Variants in NCOA2 observed in about 807,000 individuals in gnomAD.
The protein encoded by NCOA2 is nuclear receptor coactivator 2.
In NCOA2, 21 loss-of-function variants were observed where a neutral mutation model predicts 145.1. That is an observed-to-expected ratio of 0.14 (90% confidence interval 0.10 to 0.21). The LOEUF (loss-of-function observed/expected upper bound fraction) is 0.21. Ranked by LOEUF, NCOA2 falls within the 10% of genes least tolerant of loss-of-function variation. The pLI is 1.00. For synonymous variants in NCOA2, 619 were observed against 637.5 expected (o/e 0.97, Z 0.44); for missense variants, 1,472 against 1,837.6 (o/e 0.80, Z 3.64).
intron 1 of NCOA2, among the ~76,000 whole-genome samples, chr8:70,352,325 T>A (rs1281034135): frequency 6.6e-6 from 1 of 152,176 alleles, no homozygotes; most frequent in Non-Finnish European, 1.5e-5. Flanking sequence ...GAAGTTTATA[T>A]GGGTCAAGAG....
chr8:70,298,414 CA>C (rs1435890898), intron 1 of NCOA2, among the ~76,000 whole-genome samples: 2 of 152,012 alleles, frequency 1.3e-5, no homozygotes, highest in African/African-American at 4.8e-5. Context: ...GAAAAACAAA[CA>C]AAAAGAATCT....
upstream of NCOA2, among the ~76,000 whole-genome samples, chr8:70,405,831 T>A (rs1430885140): frequency 2.0e-5 from 3 of 152,144 alleles, no homozygotes. Flanking sequence ...CTCCCCCCAT[T>A]GCATTCCCGT....
At chr8:70,228,651 TGA>T (rs1820873984) in intron 2 of NCOA2, among the ~76,000 whole-genome samples, 1 of 152,206 alleles carries the variant, frequency 6.6e-6, no homozygotes, top group Non-Finnish European at 1.5e-5. Context: ...GTTTTTCCAC[TGA>T]GAGAATAAAG....
At chr8:70,118,106 C>G (rs1807353512) in intron 22 of NCOA2, among the ~76,000 whole-genome samples, 1 of 152,160 alleles carries the variant, frequency 6.6e-6, no homozygotes, top group Admixed American at 6.5e-5. Context: ...GAGCCCTGGC[C>G]TAGGTGGCTA....
intron 1 of NCOA2, among the ~76,000 whole-genome samples, chr8:70,368,295 A>C (rs1196362468): frequency 6.6e-6 from 1 of 152,250 alleles, no homozygotes; most frequent in Non-Finnish European, 1.5e-5. Context: ...AAGGCCGCAT[A>C]GGGAAATACT....
intron 1 of NCOA2, among the ~76,000 whole-genome samples, chr8:70,311,028 T>C (rs1234853578): frequency 6.6e-6 from 1 of 152,124 alleles, no homozygotes; most frequent in African/African-American, 2.4e-5. Context: ...CAAAAGACCG[T>C]AGTATGTCTT....
intron 2 of NCOA2, among the ~76,000 whole-genome samples, chr8:70,271,413 T>C (rs1825035779): frequency 6.6e-6 from 1 of 152,244 alleles, no homozygotes. Context: ...GACTGTGTAA[T>C]AAGCAGTCAT....
intron 4 of NCOA2, among the ~76,000 whole-genome samples, chr8:70,187,189 C>T (rs549968386): frequency 6.6e-6 from 1 of 152,292 alleles, no homozygotes; most frequent in South Asian, 2.1e-4. Context: ...CAAAGCCCAG[C>T]ACAAGTGTGA....
At chr8:70,367,478 C>T (rs1810819783) in intron 1 of NCOA2, among the ~76,000 whole-genome samples, 1 of 151,970 alleles carries the variant, frequency 6.6e-6, no homozygotes, top group Admixed American at 6.6e-5. Context: ...ATAGTTACAC[C>T]AATAACATAT....
At chr8:70,281,427 G>C (rs920446128) in intron 2 of NCOA2, among the ~76,000 whole-genome samples, 1 of 149,840 alleles carries the variant, frequency 6.7e-6, no homozygotes, top group Non-Finnish European at 1.5e-5. Context: ...CTCTGCAGTT[G>C]CATTAACTTA....
At chr8:70,247,995 G>A (rs1295182573) in intron 2 of NCOA2, among the ~76,000 whole-genome samples, 3 of 152,214 alleles carry the variant, frequency 2.0e-5, no homozygotes, top group African/African-American at 4.8e-5. Context: ...CCTGAGTGCA[G>A]AAGATAGCAA....
intron 4 of NCOA2, among the ~76,000 whole-genome samples, chr8:70,180,280 G>C (rs946718671): frequency 2.0e-5 from 3 of 152,216 alleles, no homozygotes; most frequent in African/African-American, 7.2e-5. Flanking sequence ...CCTGATTGGA[G>C]AGATCATCCA....
At chr8:70,251,298 A>AT (rs1349483615) in intron 2 of NCOA2, among the ~76,000 whole-genome samples, 2 of 152,202 alleles carry the variant, frequency 1.3e-5, no homozygotes, top group African/African-American at 4.8e-5. Flanking sequence ...ACTGCAGTAG[A>AT]TTATACCCAC....
Position 70,248,708 on chromosome 8 carries a change from C to T in NCOA2, c.-19-31944G>A, listed in dbSNP as rs79348932. On this transcript the variant is annotated intron_variant, in intron 2 of 22. Transcript: ENST00000452400. Reference sequence around the variant, plus strand: ...TATGATACCTAATAAAATGTAAGTGCTATGCAAATAGTTGTTATACTGTAT... The same window carrying T: ...TATGATACCTAATAAAATGTAAGTGTTATGCAAATAGTTGTTATACTGTAT... Among the ~76,000 whole-genome samples the T allele has an allele frequency of 1.5e-4, 23 of 151,990 alleles. No homozygotes were observed. In the East Asian group the frequency reaches 3.3e-3, roughly 22 times the overall value.
chr8:70,358,757 G>A (rs942239184), intron 1 of NCOA2, among the ~76,000 whole-genome samples: 4 of 152,162 alleles, frequency 2.6e-5, no homozygotes, highest in Non-Finnish European at 5.9e-5. Flanking sequence ...AAAATTTAAA[G>A]TGTGTGTGCA....
rs576462992 is a variant in NCOA2 at position 70,374,465 on chromosome 8, C to T, written c.-77+29235G>A. 2.0e-5 allele frequency among the ~76,000 whole-genome samples: 3 copies of T among 148,006 alleles called. No homozygotes were observed. The South Asian group carries it at 6.4e-4, about 32-fold the overall frequency. On this transcript the variant is annotated intron_variant, in intron 1 of 22. Transcript: ENST00000452400. ...CCAGCCTGGGCAACAAAGCTAGACT[C>T]TGTCTCAAAAAAAAAAAAAAAGAAA... is the stretch of plus-strand genomic sequence containing the variant.
intron 12 of NCOA2, among the ~76,000 whole-genome samples, chr8:70,145,226 C>T (rs1333777731): frequency 6.6e-6 from 1 of 152,208 alleles, no homozygotes; most frequent in South Asian, 2.1e-4. Context: ...GGCACGATCT[C>T]GGCTCATTAC....
chr8:70,311,950 T>C (rs1357697134), intron 1 of NCOA2, among the ~76,000 whole-genome samples: 1 of 152,226 alleles, frequency 6.6e-6, no homozygotes, highest in African/African-American at 2.4e-5. Flanking sequence ...AAGTTTCAAA[T>C]GCCTAGAGAT....
intron 19 of NCOA2, 125 bp downstream of exon 19, chr8:70,126,688 T>G: frequency 1.2e-6 from 1 of 834,464 alleles, no homozygotes; most frequent in Non-Finnish European, 1.9e-6. Flanking sequence ...TTCCTATCAT[T>G]CCCTGGTTAG....
Sources: gnomAD v4.1 joint callset for allele counts (sites outside exome capture counted in the v4.1 genomes callset) on GRCh38, gnomAD v4.1.1 for gene constraint, MANE v1.5 for transcripts, NCBI Gene and HGNC (gene_info 2026-07-23, HGNC 2026-07-21) for gene names.